Variants in SOX30 observed in about 807,000 individuals in gnomAD.
The protein encoded by SOX30 is transcription factor SOX-30.
Under a neutral mutation model 58.6 loss-of-function variants are expected in SOX30, and 17 were observed. The observed-to-expected ratio is 0.29, with a 90% CI of 0.20 to 0.44. The LOEUF is 0.44. Among genes scored for constraint, SOX30 ranks in the 20% least tolerant of loss-of-function variants. The probability of loss-of-function intolerance (pLI) is 1.00; values close to 1 mark genes in which losing one functional copy is unlikely to be tolerated. For missense variants in SOX30, 951 were observed against 965.8 expected (o/e 0.98, Z 0.20); for synonymous variants, 421 against 400.2 (o/e 1.05, Z -0.62).
At chr5:157,647,309 T>C (rs949575169) in intron 2 of SOX30, among the ~76,000 whole-genome samples, 1 of 151,766 alleles carries the variant, frequency 6.6e-6, no homozygotes, top group African/African-American at 2.4e-5. Flanking sequence ...GATCCGCCCG[T>C]CTCGGCCTCC....
chr5:157,628,409 A>G (rs1758713174), intron 4 of SOX30, among the ~76,000 whole-genome samples: 2 of 149,536 alleles, frequency 1.3e-5, no homozygotes, highest in Admixed American at 1.3e-4. Context: ...ACACACACAG[A>G]GTCAACTTTG....
At chr5:157,628,770 T>C (rs764453212) in intron 4 of SOX30, among the ~76,000 whole-genome samples, 3 of 151,450 alleles carry the variant, frequency 2.0e-5, no homozygotes, top group Non-Finnish European at 2.9e-5. Flanking sequence ...GCCTACCGAG[T>C]AGCTAGGATT....
chr5:157,645,653 C>T (rs1248249302), intron 3 of SOX30, among the ~76,000 whole-genome samples: 6 of 149,396 alleles, frequency 4.0e-5, no homozygotes, highest in African/African-American at 1.5e-4. Flanking sequence ...CAGAGTGAGA[C>T]CCTGTCTGGA....
At chr5:157,652,943 G>A (rs115743434), upstream of SOX30, among the ~76,000 whole-genome samples, 597 of 152,288 alleles carry the variant, frequency 3.9e-3, 4 homozygotes, top group African/African-American at 0.013. Context: ...GCTCCCCACT[G>A]ATAATGTAAT....
At chr5:157,665,092 T>C in intron 2 of SOX30, among the ~76,000 whole-genome samples, 1 of 152,202 alleles carries the variant, frequency 6.6e-6, no homozygotes, top group Non-Finnish European at 1.5e-5. Context: ...ACCATCCCAT[T>C]ACTGGGTATA....
chr5:157,665,674 TATAA>T (rs1373097531), intron 2 of SOX30, among the ~76,000 whole-genome samples: 6 of 147,438 alleles, frequency 4.1e-5, no homozygotes, highest in African/African-American at 9.8e-5. Context: ...TTTAAATAAA[TATAA>T]ATAATTATAA....
In SOX30 at chr5:157,659,844, A is replaced by G. The variant is rs543564476; in HGVS notation, c.52+7954T>C. On this transcript the variant is annotated intron_variant, in intron 2 of 5. Coordinates refer to the SOX30 transcript ENST00000519442. ...GGATTCAAAGATTTTCTGAATGGCA[A>G]TTGGTTGAAAGACTTATCTAAAGAC... Among the ~76,000 whole-genome samples the G allele has an allele frequency of 4.6e-5, 7 of 152,344 alleles. No homozygotes were observed. The East Asian group carries it at 7.7e-4, about 17-fold the overall frequency.
intron 1 of SOX30, among the ~76,000 whole-genome samples, chr5:157,670,313 A>C (rs1759753548): frequency 6.6e-6 from 1 of 152,130 alleles, no homozygotes; most frequent in Non-Finnish European, 1.5e-5. Flanking sequence ...CTTTTTTCAG[A>C]GCTCAAAGTC....
chr5:157,651,063 G>C, intron 1 of SOX30, 49 bp downstream of exon 1: 1 of 1,366,572 alleles, frequency 7.3e-7, no homozygotes, highest in South Asian at 1.4e-5. Flanking sequence ...AACAGCTATG[G>C]GCAACACAGA....
intron 3 of SOX30, 73 bp from the exon 4 acceptor site, chr5:157,638,795 T>G (rs941829559): frequency 6.8e-7 from 1 of 1,461,770 alleles, no homozygotes; most frequent in Admixed American, 2.2e-5. Context: ...CAGTAAAGTT[T>G]AATAAATTGT....
chr5:157,641,992 A>G (rs770554020), intron 3 of SOX30, among the ~76,000 whole-genome samples: 7 of 152,188 alleles, frequency 4.6e-5, no homozygotes, highest in Non-Finnish European at 7.3e-5. Context: ...ATTAGAACAA[A>G]AAGGTTTGGT....
intron 3 of SOX30, among the ~76,000 whole-genome samples, chr5:157,642,635 G>A (rs1291630389): frequency 6.6e-6 from 1 of 151,596 alleles, no homozygotes; most frequent in Non-Finnish European, 1.5e-5. Flanking sequence ...ATGGCTAACT[G>A]GCAAAAAAAT....
At chr5:157,643,930 TTAAA>T (rs1759130358) in intron 3 of SOX30, among the ~76,000 whole-genome samples, 2 of 152,158 alleles carry the variant, frequency 1.3e-5, no homozygotes, top group Non-Finnish European at 2.9e-5. Context: ...ATTTAGAATA[TTAAA>T]TATACAGTGA....
intron 3 of SOX30, among the ~76,000 whole-genome samples, chr5:157,643,319 C>A (rs1279520311): frequency 2.0e-5 from 3 of 152,132 alleles, no homozygotes; most frequent in Non-Finnish European, 4.4e-5. Flanking sequence ...ACTCGGGAGG[C>A]TCAGGCAGGA....
At chr5:157,648,575 G>C in intron 2 of SOX30, 82 bp downstream of exon 2, 1 of 1,286,854 alleles carries the variant, frequency 7.8e-7, no homozygotes, top group South Asian at 1.4e-5. Context: ...ATATATTTTT[G>C]TCTTTCAATC....
At chr5:157,642,790 T>G (rs1759101661) in intron 3 of SOX30, among the ~76,000 whole-genome samples, 1 of 152,164 alleles carries the variant, frequency 6.6e-6, no homozygotes, top group South Asian at 2.1e-4. Context: ...GAGCCACACC[T>G]GAGAGACCTC....
chr5:157,653,202 T>C (rs1235581152), upstream of SOX30, among the ~76,000 whole-genome samples: 2 of 152,232 alleles, frequency 1.3e-5, no homozygotes, highest in African/African-American at 4.8e-5. Context: ...ATTTTTCATA[T>C]TGCAGCTCAA....
At chr5:157,635,573 A>C (rs551322825) in intron 4 of SOX30, among the ~76,000 whole-genome samples, 1 of 152,238 alleles carries the variant, frequency 6.6e-6, no homozygotes, top group South Asian at 2.1e-4. Context: ...GCAGTGAGCC[A>C]AGATTGCGCC....
chr5:157,637,133 C>CAAA (rs1203322529), intron 4 of SOX30, among the ~76,000 whole-genome samples: 2,776 of 62,556 alleles, frequency 0.044, 77 homozygotes, highest in East Asian at 0.11. Flanking sequence ...AACTCCGCCT[C>CAAA]AAAAAAAAAA....
Sources: gnomAD v4.1 joint callset for allele counts (sites outside exome capture counted in the v4.1 genomes callset) on GRCh38, gnomAD v4.1.1 for gene constraint, MANE v1.5 for transcripts, NCBI Gene and HGNC (gene_info 2026-07-23, HGNC 2026-07-21) for gene names.